Variants in CCNA1 observed in about 807,000 individuals in gnomAD.
CCNA1 encodes cyclin-A1.
In CCNA1, 23 loss-of-function variants were observed where a neutral mutation model predicts 54.1. The observed-to-expected ratio is 0.42, with a 90% CI of 0.31 to 0.60. The LOEUF is 0.60. CCNA1 is among the 20% of genes least tolerant of loss of function. The pLI is 0.14. For missense variants in CCNA1, 450 were observed against 556.7 expected, an observed-to-expected ratio of 0.81 and a Z score of 1.93; for synonymous variants, 208 against 213.9, an observed-to-expected ratio of 0.97 and a Z score of 0.24.
intron 2 of CCNA1, among the ~76,000 whole-genome samples, chr13:36,436,813 C>G (rs577163026): frequency 7.2e-5 from 11 of 152,096 alleles, no homozygotes; most frequent in African/African-American, 2.4e-4. Flanking sequence ...CAGTACACAC[C>G]AAGATACATT....
At chr13:36,432,397 C>A, upstream of CCNA1, 1 of 257,360 alleles carries the variant, frequency 3.9e-6, no homozygotes, top group South Asian at 5.2e-5. Flanking sequence ...CCTTCCCCGC[C>A]CTGCCCCGCC....
chr13:36,433,398 CTTT>C (rs2055747753), intron 2 of CCNA1, among the ~76,000 whole-genome samples, 177 bp downstream of exon 2: 1 of 99,118 alleles, frequency 1.0e-5, no homozygotes, highest in East Asian at 2.3e-4. Context: ...TTCTTTCTTT[CTTT>C]CTTTCTTTCT....
At chr13:36,438,555 T>A in intron 4 of CCNA1, 89 bp from the exon 5 acceptor site, 1 of 893,448 alleles carries the variant, frequency 1.1e-6, no homozygotes, top group African/African-American at 1.7e-5. Flanking sequence ...TTCCAACCTT[T>A]GCTTGTGAGA....
chr13:36,433,122 T>TACTCAC lies in CCNA1; in HGVS notation c.198_199insACTCAC (p.Cys66_Gln67insThrHis). The TACTCAC allele has an allele frequency of 1.2e-6, 2 of 1,614,176 alleles. No homozygotes were observed. The highest frequency in any genetic ancestry group is 1.7e-6 in the Non-Finnish European group (2 of 1,180,024). ...CAGTGGCCCGAGGTCCCGATGCTTG[T>TACTCAC]CAGATACTCACCAGAGCCCCGCTGG... On this transcript the variant is annotated inframe_insertion, in exon 2 of 9. Transcript: ENST00000255465.
At chr13:36,433,398 CTT>C (rs1488005785) in intron 2 of CCNA1, among the ~76,000 whole-genome samples, 177 bp downstream of exon 2, 1 of 99,116 alleles carries the variant, frequency 1.0e-5, no homozygotes, top group Non-Finnish European at 2.1e-5. Context: ...TTCTTTCTTT[CTT>C]TCTTTCTTTC....
chr13:36,431,798 G>A (rs1445535750), upstream of CCNA1: 1 of 152,514 alleles, frequency 6.6e-6, no homozygotes, highest in African/African-American at 2.4e-5. Flanking sequence ...GACCCGGAGC[G>A]AGCCGCGCCC....
chr13:36,432,422 C>T (rs1237502322), upstream of CCNA1: 5 of 311,260 alleles, frequency 1.6e-5, no homozygotes, highest in Non-Finnish European at 3.0e-5. Context: ...CCGGCCCGGC[C>T]CTGCCCAACC....
chr13:36,440,944 G>A (rs1207718337), intron 6 of CCNA1, among the ~76,000 whole-genome samples, 174 bp from the exon 7 acceptor site: 2 of 152,172 alleles, frequency 1.3e-5, no homozygotes, highest in African/African-American at 4.8e-5. Context: ...AAATGTTACT[G>A]TTGTTATAGA....
At chr13:36,434,286 A>C (rs1239122935) in intron 2 of CCNA1, among the ~76,000 whole-genome samples, 1 of 152,204 alleles carries the variant, frequency 6.6e-6, no homozygotes, top group African/African-American at 2.4e-5. Context: ...ACTGAAAACT[A>C]TACCTTTCCT....
intron 5 of CCNA1, among the ~76,000 whole-genome samples, chr13:36,439,378 G>A (rs1406264912): frequency 6.6e-6 from 1 of 152,178 alleles, no homozygotes; most frequent in Non-Finnish European, 1.5e-5. Flanking sequence ...ACCTGTTGCT[G>A]AGTGGTAGTT....
intron 6 of CCNA1, among the ~76,000 whole-genome samples, chr13:36,440,754 TGATA>T (rs2055865847): frequency 6.6e-6 from 1 of 152,350 alleles, no homozygotes; most frequent in Admixed American, 6.5e-5. Flanking sequence ...CTGAACTGCC[TGATA>T]GATTAATAGC....
In CCNA1 at chr13:36,437,850, G is replaced by A. The variant is rs758365529; in HGVS notation, c.519G>A (p.Leu173=). ...ACACCGGCACACTCAAGTCAGACCTGCACTTCCTGCTGGATTTCAACACAG... is the reference window on the plus strand; with the variant it reads ...ACACCGGCACACTCAAGTCAGACCTACACTTCCTGCTGGATTTCAACACAG... The change falls in exon 3 of 9, where the codon CTG becomes CTA. Residue 173 remains leucine, a synonymous_variant. Transcript: ENST00000255465. 2 of 1,613,874 alleles carry A rather than the reference G, an allele frequency of 1.2e-6. No individual in the cohort carries two copies. The highest frequency in any genetic ancestry group is 1.7e-6 in the Non-Finnish European group (2 of 1,179,842).
In CCNA1 at chr13:36,442,229, G is replaced by A. The variant is rs140628294; in HGVS notation, c.1271G>A (p.Ser424Asn). 17 of 1,613,830 alleles carry A rather than the reference G, an allele frequency of 1.1e-5. No homozygotes were observed. Among genetic ancestry groups the A allele is most frequent in the Non-Finnish European group, 1.4e-5 (17 of 1,179,904 alleles). ...TTAAGTGAAATTGTGCCTTGCCTGA[G>A]TGAGCTTCATAAAGCGTACCTTGAT... The change falls in exon 8 of 9, where the codon AGT (serine) becomes AAT (asparagine). Residue 424 changes from serine (S) to asparagine (N), a missense_variant. Transcript: ENST00000255465.
intron 5 of CCNA1, 112 bp from the exon 6 acceptor site, chr13:36,439,867 T>C: frequency 1.2e-5 from 8 of 657,620 alleles, no homozygotes; most frequent in South Asian, 1.1e-4. Context: ...TAAGTGGATA[T>C]GTGGCTGCAA....
chr13:36,432,935 T>G, intron 1 of CCNA1, 98 bp from the exon 2 acceptor site: 2 of 1,191,462 alleles, frequency 1.7e-6, no homozygotes, highest in Non-Finnish European at 2.4e-6. Flanking sequence ...GTTAGTCCCA[T>G]TGCTTGGTGC....
chr13:36,434,699 T>G (rs1057249094), intron 2 of CCNA1, among the ~76,000 whole-genome samples: 5 of 152,014 alleles, frequency 3.3e-5, no homozygotes, highest in African/African-American at 1.2e-4. Context: ...AGCTGATCAC[T>G]TTGTATCTTA....
chr13:36,439,918 G>T, intron 5 of CCNA1, 61 bp from the exon 6 acceptor site: 2 of 1,144,500 alleles, frequency 1.7e-6, no homozygotes, highest in Non-Finnish European at 2.6e-6. Flanking sequence ...GTGGCTTATG[G>T]TAGCACAGGA....
At chr13:36,442,442 C>T in intron 8 of CCNA1, 138 bp downstream of exon 8, 1 of 1,135,816 alleles carries the variant, frequency 8.8e-7, no homozygotes, top group Admixed American at 2.5e-5. Flanking sequence ...TACAAATTTA[C>T]AAATAAATTT....
intron 2 of CCNA1, among the ~76,000 whole-genome samples, chr13:36,435,121 A>G (rs956421950): frequency 6.6e-6 from 1 of 152,192 alleles, no homozygotes; most frequent in East Asian, 1.9e-4. Flanking sequence ...TAGTTTTCCA[A>G]TATCAAGGAA....
Sources: gnomAD v4.1 joint callset for allele counts (sites outside exome capture counted in the v4.1 genomes callset) on GRCh38, gnomAD v4.1.1 for gene constraint, MANE v1.5 for transcripts, NCBI Gene and HGNC (gene_info 2026-07-23, HGNC 2026-07-21) for gene names.